ARFGEF2: variants seen among roughly 807,000 people sequenced by gnomAD.
The protein encoded by ARFGEF2 is brefeldin A-inhibited guanine nucleotide-exchange protein 2.
A neutral mutation model predicts 219.9 loss-of-function variants in ARFGEF2; 74 were observed. That is an observed-to-expected ratio of 0.34 (90% CI 0.28 to 0.41). ARFGEF2 has a LOEUF of 0.41. Ranked by LOEUF, ARFGEF2 falls within the 10% of genes least tolerant of loss-of-function variation. The probability of loss-of-function intolerance (pLI) is 1.00; values close to 1 mark genes in which losing one functional copy is unlikely to be tolerated. For missense variants in ARFGEF2, 1,743 were observed against 2,218.3 expected, an observed-to-expected ratio of 0.79 and a Z score of 4.30; for synonymous variants, 733 against 799.2, an observed-to-expected ratio of 0.92 and a Z score of 1.40.
intron 1 of ARFGEF2, among the ~76,000 whole-genome samples, chr20:48,934,028 G>A (rs1178683415): frequency 6.6e-6 from 1 of 150,598 alleles, no homozygotes; most frequent in Non-Finnish European, 1.5e-5. Context: ...GCTGAGGCAG[G>A]AGAATCTCTT....
chr20:49,032,819 C>T (rs915424781), intron 38 of ARFGEF2, among the ~76,000 whole-genome samples: 1 of 152,106 alleles, frequency 6.6e-6, no homozygotes, highest in Non-Finnish European at 1.5e-5. Context: ...TCTCGATCTC[C>T]TGAGCTCAAG....
At chr20:48,924,657 A>G (rs913159981) in intron 1 of ARFGEF2, among the ~76,000 whole-genome samples, 4 of 152,136 alleles carry the variant, frequency 2.6e-5, no homozygotes, top group Non-Finnish European at 4.4e-5. Context: ...TGCTTGGATG[A>G]TAGAGAGCAT....
intron 35 of ARFGEF2, 135 bp from the exon 36 acceptor site, chr20:49,025,177 AG>A: frequency 1.1e-6 from 1 of 889,132 alleles, no homozygotes; most frequent in Non-Finnish European, 1.8e-6. Flanking sequence ...GAAATGTTTC[AG>A]GGTGTTGGGG....
chr20:49,000,120 A>C (rs1013201231), intron 25 of ARFGEF2, among the ~76,000 whole-genome samples: 7 of 152,150 alleles, frequency 4.6e-5, no homozygotes, highest in African/African-American at 1.7e-4. Flanking sequence ...TGGGCACCTC[A>C]TTACCTCTTG....
At chr20:48,951,582 C>G in intron 4 of ARFGEF2, 113 bp downstream of exon 4, 1 of 1,415,320 alleles carries the variant, frequency 7.1e-7, no homozygotes, top group East Asian at 2.3e-5. Flanking sequence ...TGAGGTGGAA[C>G]AGAAAGATTT....
At chr20:48,956,089 G>A (rs62212423) in intron 6 of ARFGEF2, among the ~76,000 whole-genome samples, 15,851 of 152,192 alleles carry the variant, frequency 0.1, 975 homozygotes, top group Non-Finnish European at 0.13. Flanking sequence ...CGGAGTCCAG[G>A]CATCAAGGCC....
At chr20:48,922,589 C>G (rs1236128259) in intron 1 of ARFGEF2, among the ~76,000 whole-genome samples, 2 of 152,250 alleles carry the variant, frequency 1.3e-5, no homozygotes, top group African/African-American at 2.4e-5. Flanking sequence ...CACTAAAATA[C>G]AAGGTCTTCA....
chr20:48,969,731 A>G (rs930107577), intron 9 of ARFGEF2, among the ~76,000 whole-genome samples: 14 of 152,204 alleles, frequency 9.2e-5, no homozygotes, highest in African/African-American at 2.9e-4. Flanking sequence ...TACTACAAGG[A>G]TGTCAGCGCT....
chr20:48,935,776 C>A (rs1461023297), intron 1 of ARFGEF2, among the ~76,000 whole-genome samples: 21 of 147,052 alleles, frequency 1.4e-4, no homozygotes, highest in Admixed American at 9.4e-4. Context: ...GGGGGGCTGA[C>A]CCCCCCACCT....
At chr20:49,010,187 A>G (rs1419228617) in intron 26 of ARFGEF2, 45 bp from the exon 27 acceptor site, 6 of 1,593,972 alleles carry the variant, frequency 3.8e-6, no homozygotes, top group Non-Finnish European at 5.1e-6. Context: ...TTCTCTTCCC[A>G]TTCTCCAAAG....
intron 6 of ARFGEF2, among the ~76,000 whole-genome samples, chr20:48,955,531 C>T (rs2091100448): frequency 1.3e-5 from 2 of 152,190 alleles, no homozygotes; most frequent in African/African-American, 2.4e-5. Flanking sequence ...TGAGCAAATA[C>T]ATTTTTTGAA....
At chr20:48,934,581 A>G (rs2090934953) in intron 1 of ARFGEF2, among the ~76,000 whole-genome samples, 1 of 151,994 alleles carries the variant, frequency 6.6e-6, no homozygotes, top group Admixed American at 6.6e-5. Context: ...TTCAGCTCCC[A>G]CTTATGAGTG....
At chr20:48,932,015 G>T (rs1349574615) in intron 1 of ARFGEF2, among the ~76,000 whole-genome samples, 10 of 152,178 alleles carry the variant, frequency 6.6e-5, no homozygotes, top group Non-Finnish European at 2.9e-5. Context: ...CATTGTGATG[G>T]CCCAGGTGGG....
At chr20:48,988,999 G>A (rs183713914) in intron 18 of ARFGEF2, among the ~76,000 whole-genome samples, 2 of 152,202 alleles carry the variant, frequency 1.3e-5, no homozygotes, top group Admixed American at 6.5e-5. Context: ...TTCACTGTTT[G>A]AGAAGCAGCA....
chr20:49,021,511 G>A (rs1489302144), intron 34 of ARFGEF2, among the ~76,000 whole-genome samples: 2 of 152,056 alleles, frequency 1.3e-5, no homozygotes, highest in Non-Finnish European at 2.9e-5. Flanking sequence ...TACTCAGTAA[G>A]CAGAAACCAC....
In ARFGEF2 at chr20:48,951,478, A is replaced by G; in HGVS notation, c.423+9A>G. On this transcript the variant is annotated intron_variant, in intron 4 of 38. Coordinates refer to ENST00000371917, the MANE Select transcript of ARFGEF2 (RefSeq NM_006420.3). ...AGTTACAAATAATTAAGGTATGCCT[A>G]TTTGTTTGCCTGTCTGGTTTTTAAA... 6.2e-7 allele frequency: 1 copy of G among 1,614,026 alleles called. No individual in the cohort carries two copies. The highest frequency in any genetic ancestry group is 8.5e-7 in the Non-Finnish European group (1 of 1,179,998).
At chr20:49,016,556 C>T in intron 31 of ARFGEF2, 141 bp downstream of exon 31, 1 of 986,740 alleles carries the variant, frequency 1.0e-6, no homozygotes. Context: ...GTTTTAATTA[C>T]AGTATAAAAA....
In ARFGEF2 at chr20:48,974,885, A is replaced by G. The variant is rs751081406; in HGVS notation, c.1774+11A>G. ...ACCAGACCAGCCTCGGTGAGACAGC[A>G]TTGCTGCCACACCCACCTCCATTCA... is the stretch of plus-strand genomic sequence containing the variant. On this transcript the variant is annotated intron_variant, in intron 13 of 38. Transcript: ENST00000371917. 1 of 1,605,040 alleles carries G rather than the reference A, an allele frequency of 6.2e-7. No homozygotes were observed. The highest frequency in any genetic ancestry group is 8.5e-7 in the Non-Finnish European group (1 of 1,173,570).
intron 28 of ARFGEF2, among the ~76,000 whole-genome samples, chr20:49,012,333 GTTGTATTTTAGCTT>G (rs1419322761): frequency 6.6e-6 from 1 of 152,154 alleles, no homozygotes; most frequent in Non-Finnish European, 1.5e-5. Context: ...GTAGAAGTTA[GTTGTATTTTAGCTT>G]TTGTATTTTG....
Sources: gnomAD v4.1 joint callset for allele counts (sites outside exome capture counted in the v4.1 genomes callset) on GRCh38, gnomAD v4.1.1 for gene constraint, MANE v1.5 for transcripts, NCBI Gene and HGNC (gene_info 2026-07-23, HGNC 2026-07-21) for gene names.